The following LPAR6 variants were observed in gnomAD, a reference collection of about 807,000 sequenced individuals.
LPAR6 encodes G-protein coupled purinergic receptor P2Y5.
LPAR6 carries 17 observed loss-of-function variants against 22.0 expected under a neutral mutation model. The observed-to-expected ratio is 0.77, with a 90% CI of 0.53 to 1.16. LPAR6 has a LOEUF of 1.16. LPAR6 is among the 50% of genes most tolerant of loss of function. The pLI, the probability that LPAR6 is intolerant of heterozygous loss-of-function variation, is 0.00. For synonymous variants in LPAR6, 136 were observed against 139.8 expected (o/e 0.97, Z 0.19); for missense variants, 384 against 406.9 (o/e 0.94, Z 0.48).
rs369191907 is a variant in LPAR6, at chr13:48,412,349, G to A, written c.75C>T (p.Ser25=). The change falls in exon 1 of 1, where the codon AGC becomes AGT. Residue 25 remains serine, a synonymous_variant. Coordinates refer to ENST00000620633, the MANE Select transcript of LPAR6 (RefSeq NM_001162498.3). ...FKYTLYGCMF[S]MVFVLGLISN... ...ATATTAACCCAAGCACAAACACCAT[G>A]CTGAACATGCACCCATACAAAGTGT... The A allele has an allele frequency of 6.2e-7, 1 of 1,613,262 alleles. No individual in the cohort carries two copies. Among genetic ancestry groups the A allele is most frequent in the African/African-American group, 1.3e-5 (1 of 74,894 alleles).
At position 48,412,720 on chromosome 13, in the gene LPAR6, C is replaced by T. The variant is rs965165753; in HGVS notation, c.-297G>A. The T allele has an allele frequency of 9.5e-5, 42 of 443,522 alleles. No individual in the cohort carries two copies. The highest frequency in any genetic ancestry group is 1.8e-4 in the South Asian group (8 of 44,508). The allele number at this position is 443,522 out of a possible 1,614,324, so 27.5% of individuals were successfully genotyped here. A position where few individuals can be genotyped will look rare whatever the true frequency, so the allele number is the denominator to read the frequency against. ...AGCAACCTTTAAAAAATACAGTCAA[C>T]GAGTCCAACCCATAGGATTATAAAT... On this transcript the variant is annotated 5_prime_UTR_variant, in exon 1 of 1. Coordinates refer to ENST00000620633, the MANE Select transcript of LPAR6 (RefSeq NM_001162498.3).
At position 48,411,954 on chromosome 13, in the gene LPAR6, G is replaced by A. The variant is rs1284768305; in HGVS notation, c.470C>T (p.Thr157Ile). 1.2e-6 allele frequency: 2 copies of A among 1,612,082 alleles called. No homozygotes were observed. The highest frequency in any genetic ancestry group is 1.7e-6 in the Non-Finnish European group (2 of 1,179,014). ...TGAGGCATTGTTACCCTGAGAGTGG[G>A]TAGACTGAACAAAAACGGCGGGTGC... ...GSAPAVFVQS[T>I]HSQGNNASEA... The change falls in exon 1 of 1, where the codon ACC becomes ATC. Residue 157 changes from threonine to isoleucine, a missense_variant. By Grantham distance (89) the Thr-to-Ile change is moderately conservative. Transcript: ENST00000620633.
downstream of LPAR6, among the ~76,000 whole-genome samples, chr13:48,409,298 A>G (rs1948768759): frequency 6.6e-6 from 1 of 151,786 alleles, no homozygotes. Flanking sequence ...GAAACCATGG[A>G]TCCCTAAAGA....
chr13:48,432,427 G>C (rs1163990902), intron 1 of LPAR6, among the ~76,000 whole-genome samples: 5 of 136,684 alleles, frequency 3.7e-5, no homozygotes, highest in Admixed American at 7.2e-5. Context: ...TTGTTTTTTT[G>C]TTTTTTTTTT....
intron 1 of LPAR6, among the ~76,000 whole-genome samples, chr13:48,444,069 G>A (rs1421273885): frequency 6.6e-6 from 1 of 152,144 alleles, no homozygotes; most frequent in African/African-American, 2.4e-5. Context: ...TCTACTTGGA[G>A]ATAGTGTCAG....
chr13:48,415,325 G>A (rs1948890439), upstream of LPAR6, among the ~76,000 whole-genome samples: 1 of 151,068 alleles, frequency 6.6e-6, no homozygotes, highest in Non-Finnish European at 1.5e-5. Flanking sequence ...TGCCGCCCAG[G>A]CTGGAGTGCA....
chr13:48,397,190 C>G (rs1318510013), intron 1 of LPAR6, among the ~76,000 whole-genome samples: 1 of 152,194 alleles, frequency 6.6e-6, no homozygotes, highest in Non-Finnish European at 1.5e-5. Flanking sequence ...AAAGAACATG[C>G]ACACATATGT....
chr13:48,418,776 T>C lies in LPAR6; in HGVS notation c.-953-1456A>G, dbSNP rs372828045. Among the ~76,000 whole-genome samples the C allele has an allele frequency of 1.7e-4, 25 of 148,084 alleles. No individual in the cohort carries two copies. In the East Asian group the frequency reaches 3.7e-3, roughly 22 times the overall value. Reference sequence around the variant, plus strand: ...AAAACAGACTTTAAACCAACGAAGATCAAAAAAGACAAGAAGGGCATTACA... The same window carrying C: ...AAAACAGACTTTAAACCAACGAAGACCAAAAAAGACAAGAAGGGCATTACA... On this transcript the variant is annotated intron_variant, in intron 2 of 4. Coordinates refer to the LPAR6 transcript ENST00000345941.
At chr13:48,392,063 T>C (rs889298424) in intron 1 of LPAR6, among the ~76,000 whole-genome samples, 1 of 152,150 alleles carries the variant, frequency 6.6e-6, no homozygotes, top group East Asian at 1.9e-4. Context: ...TGTTTTTTCT[T>C]TGAGTGCTTT....
chr13:48,412,510 C>T lies in LPAR6; in HGVS notation c.-87G>A. Reference sequence around the variant, plus strand: ...ATTCAGATTATAACCTCTATAACCTCCAATTTATTTGCAAATTATCTGGAT... The same window carrying T: ...ATTCAGATTATAACCTCTATAACCTTCAATTTATTTGCAAATTATCTGGAT... On this transcript the variant is annotated 5_prime_UTR_variant, in exon 1 of 1. It introduces an in-frame stop codon into an upstream open reading frame of the 5' UTR. Coordinates refer to ENST00000620633, the MANE Select transcript of LPAR6 (RefSeq NM_001162498.3). 2.3e-6 allele frequency: 2 copies of T among 861,458 alleles called. No homozygotes were observed. Among genetic ancestry groups the T allele is most frequent in the Non-Finnish European group, 4.0e-6 (2 of 497,712 alleles). 53.4% of individuals were successfully genotyped at this position (861,458 alleles called of 1,614,324 possible).
At chr13:48,401,090 G>A (rs1948687775) in intron 1 of LPAR6, among the ~76,000 whole-genome samples, 1 of 152,090 alleles carries the variant, frequency 6.6e-6, no homozygotes, top group African/African-American at 2.4e-5. Flanking sequence ...AATCATGTCA[G>A]TAATTACCCT....
chr13:48,438,043 A>G (rs1949201458), intron 1 of LPAR6, among the ~76,000 whole-genome samples: 1 of 152,170 alleles, frequency 6.6e-6, no homozygotes, highest in Non-Finnish European at 1.5e-5. Context: ...AGTGTCCATT[A>G]TATGCTTGGC....
At chr13:48,420,675 C>T (rs1171156690) in intron 2 of LPAR6, among the ~76,000 whole-genome samples, 1 of 152,168 alleles carries the variant, frequency 6.6e-6, no homozygotes, top group African/African-American at 2.4e-5. Flanking sequence ...AGCTGATAAG[C>T]AACTTCAGCA....
intron 1 of LPAR6, among the ~76,000 whole-genome samples, chr13:48,438,705 TG>T (rs1387179625): frequency 2.0e-5 from 3 of 152,204 alleles, no homozygotes; most frequent in Non-Finnish European, 4.4e-5. Context: ...ACTTATAAAA[TG>T]GCATTTAAAA....
intron 2 of LPAR6, among the ~76,000 whole-genome samples, chr13:48,420,019 T>C (rs1035580405): frequency 2.0e-5 from 3 of 151,766 alleles, no homozygotes; most frequent in Non-Finnish European, 2.9e-5. Context: ...GAAAAGAGAG[T>C]CCTCCTTAAC....
intron 1 of LPAR6, among the ~76,000 whole-genome samples, chr13:48,399,493 T>A (rs1481473333): frequency 6.6e-6 from 1 of 152,038 alleles, no homozygotes; most frequent in East Asian, 1.9e-4. Flanking sequence ...AGCAAGGATA[T>A]GCTACATATG....
intron 1 of LPAR6, among the ~76,000 whole-genome samples, chr13:48,444,389 C>A (rs1251381238): frequency 6.6e-6 from 1 of 152,068 alleles, no homozygotes; most frequent in Non-Finnish European, 1.5e-5. Flanking sequence ...TGGTGGCATG[C>A]CCCTGTAGTC....
intron 2 of LPAR6, among the ~76,000 whole-genome samples, chr13:48,419,469 T>G (rs909944558): frequency 1.3e-5 from 2 of 151,728 alleles, no homozygotes; most frequent in Non-Finnish European, 2.9e-5. Context: ...ACATCACAAT[T>G]AAAAGAACTA....
At chr13:48,409,218 A>G (rs1948767640), downstream of LPAR6, among the ~76,000 whole-genome samples, 2 of 144,644 alleles carry the variant, frequency 1.4e-5, no homozygotes, top group African/African-American at 2.6e-5. Context: ...GTGTGATCAT[A>G]TCTCACTCTA....
Sources: allele counts gnomAD v4.1 joint callset (sites outside exome capture counted in the v4.1 genomes callset), GRCh38; gene constraint gnomAD v4.1.1; transcripts MANE v1.5; gene names NCBI Gene and HGNC (gene_info 2026-07-23, HGNC 2026-07-21).